HSPG2: variants seen among roughly 807,000 people sequenced by gnomAD.
HSPG2 encodes the protein basement membrane-specific heparan sulfate proteoglycan core protein.
A neutral mutation model predicts 526.6 loss-of-function variants in HSPG2; 278 were observed. That is an observed-to-expected ratio of 0.53 (90% CI 0.48 to 0.58). The LOEUF (loss-of-function observed/expected upper bound fraction) is 0.58, where lower values mean the gene tolerates loss of function less well. HSPG2 is among the 20% of genes least tolerant of loss of function. The pLI is 0.00. For missense variants in HSPG2, 5,354 were observed against 6,099.5 expected, an observed-to-expected ratio of 0.88 and a Z score of 4.07; for synonymous variants, 2,465 against 2,555.4, an observed-to-expected ratio of 0.96 and a Z score of 1.07.
chr1:21,924,603 G>A (rs1041963964), intron 1 of HSPG2, among the ~76,000 whole-genome samples: 5 of 152,088 alleles, frequency 3.3e-5, no homozygotes, highest in South Asian at 2.1e-4. Flanking sequence ...ACTGAGGCCC[G>A]GGGAGGAGAG....
intron 1 of HSPG2, among the ~76,000 whole-genome samples, chr1:21,927,271 G>C (rs968342460): frequency 1.2e-4 from 18 of 144,822 alleles, no homozygotes; most frequent in Non-Finnish European, 2.4e-4. Flanking sequence ...CTGATGGGGA[G>C]GGGGGACACA....
rs1639261304 is a variant in HSPG2 at position 21,855,449 on chromosome 1, GCAGA to G, written c.5855-7_5855-4del. 1 of 1,612,976 alleles carries G rather than the reference GCAGA, an allele frequency of 6.2e-7. No homozygotes were observed. Among genetic ancestry groups the G allele is most frequent in the Non-Finnish European group, 8.5e-7 (1 of 1,179,884 alleles). ...TTGGACTCTGGGCCCACCGCCCCCTGCAGACAGAGTCCTGTGAGAACACGCCCTG... is the reference window on the plus strand; with the variant it reads ...TTGGACTCTGGGCCCACCGCCCCCTGCAGAGTCCTGTGAGAACACGCCCTG... On this transcript the variant is annotated splice_polypyrimidine_tract_variant and splice_region_variant and intron_variant, in intron 46 of 96. Transcript: ENST00000374695.
chr1:21,835,591 C>T lies in HSPG2; in HGVS notation c.10402G>A (p.Ala3468Thr), dbSNP rs1013471019. ...TGGGCCTTCCCCCAAGGTCCATGGGCCTGGCATATATACGTCCCTTGGCAG... is the reference window on the plus strand; with the variant it reads ...TGGGCCTTCCCCCAAGGTCCATGGGTCTGGCATATATACGTCCCTTGGCAG... Reference protein sequence around the residue: ...QSCQGTYICQAHGPWGKAQAS... With the variant: ...QSCQGTYICQTHGPWGKAQAS... Residue 3468 changes from alanine (A) to threonine (T), a missense_variant, in exon 76 of 97, where the codon GCC (alanine) becomes ACC (threonine). By Grantham distance (58) the Ala-to-Thr change is moderately conservative. Coordinates refer to ENST00000374695, the MANE Select transcript of HSPG2 (RefSeq NM_005529.7). 3 of 1,614,052 alleles carry T rather than the reference C, an allele frequency of 1.9e-6. No individual in the cohort carries two copies. Among genetic ancestry groups the T allele is most frequent in the Non-Finnish European group, 2.5e-6 (3 of 1,180,008 alleles).
intron 37 of HSPG2, among the ~76,000 whole-genome samples, chr1:21,862,375 G>A (rs1425179479): frequency 2.6e-5 from 4 of 152,166 alleles, no homozygotes; most frequent in South Asian, 4.2e-4. Flanking sequence ...CCTGAGGTCA[G>A]GAGTTCAAGG....
Position 21,847,975 on chromosome 1 carries a change from C to G in HSPG2, c.7856G>C (p.Gly2619Ala). The change falls in exon 60 of 97, where the codon GGC (glycine) becomes GCC (alanine). Residue 2619 changes from glycine (G) to alanine (A), a missense_variant. Transcript: ENST00000374695. This position sits in a 1 kb window ranked among gnomAD's most constrained non-coding sequence, Gnocchi z 4.1. Reference protein sequence around the residue: ...RETSLIVTIQGSGSSHVPSVS... With the variant: ...RETSLIVTIQASGSSHVPSVS... ...GCTCTCACCGTGGGAGGAACCGCTG[C>G]CCTGGATGGTGACGATGAGCGAGGT... 6.2e-7 allele frequency: 1 copy of G among 1,613,812 alleles called. No homozygotes were observed.
intron 9 of HSPG2, among the ~76,000 whole-genome samples, chr1:21,886,139 T>C (rs1253575902): frequency 6.6e-6 from 1 of 152,204 alleles, no homozygotes; most frequent in Non-Finnish European, 1.5e-5. Flanking sequence ...GGCGCTTCTG[T>C]TCCCCACACT....
chr1:21,885,025 G>C lies in HSPG2; in HGVS notation c.1343C>G (p.Pro448Arg). The C allele has an allele frequency of 1.2e-6, 2 of 1,613,912 alleles. No homozygotes were observed. Among genetic ancestry groups the C allele is most frequent in the Non-Finnish European group, 1.7e-6 (2 of 1,180,004 alleles). Residue 448 changes from proline (P) to arginine (R), a missense_variant, in exon 11 of 97, where the codon CCC (proline) becomes CGC (arginine). Pro to Arg is a moderately radical substitution (Grantham distance 103, BLOSUM62 -2). Coordinates refer to ENST00000374695, the MANE Select transcript of HSPG2 (RefSeq NM_005529.7). ...CCCAGAGCCGCACCTGGGATGAGAG[G>C]GGATGTGGCCCCAGTTGAGCCTCCA... is the stretch of plus-strand genomic sequence containing the variant. ...INWRLNWGHI[P>R]SHPRVTVTSE... is the part of the protein sequence containing the mutation.
rs2098055246 is a variant in HSPG2 at position 21,842,919 on chromosome 1, G to A, written c.8761C>T (p.Pro2921Ser). ...ATGTAGATGGGCTGGGCCAGTCCTG[G>A]AGCTGTGGGCACAGGGGGTGGGTGA... ...EPSSPGPIPA[P>S]GLAQPIYIEA... The change falls in exon 67 of 97, where the codon CCA (proline) becomes TCA (serine). Residue 2921 changes from proline to serine, a missense_variant and splice_region_variant. Coordinates refer to ENST00000374695, the MANE Select transcript of HSPG2 (RefSeq NM_005529.7). The A allele has an allele frequency of 6.2e-7, 1 of 1,614,016 alleles. No individual in the cohort carries two copies. Among genetic ancestry groups the A allele is most frequent in the Non-Finnish European group, 8.5e-7 (1 of 1,180,040 alleles).
rs776428674 is a variant in HSPG2, at chr1:21,853,763, AAAT to A, written c.6439+427_6439+429del. 6.1e-3 allele frequency: 1,005 copies of A among 164,780 alleles called. 6 individuals carry two copies. The highest frequency in any genetic ancestry group is 0.015 in the Middle Eastern group (7 of 464). The allele number at this position is 164,780 out of a possible 1,614,324, so 10.2% of individuals were successfully genotyped here. On this transcript the variant is annotated intron_variant, in intron 50 of 96. Coordinates refer to ENST00000374695, the MANE Select transcript of HSPG2 (RefSeq NM_005529.7). ...GACTCTCTCTCAAAAAAATAAAATA[AAAT>A]AAAATAAAATAAAATAAAATAAAAT...
Position 21,850,493 on chromosome 1 carries a change from G to T in HSPG2, c.7164C>A (p.His2388Gln). Residue 2388 changes from histidine (H) to glutamine (Q), a missense_variant, in exon 56 of 97, where the codon CAC becomes CAA. Coordinates refer to ENST00000374695, the MANE Select transcript of HSPG2 (RefSeq NM_005529.7). The stretch of plus-strand genomic sequence containing the variant: ...CTTGGTAGAGTCTCAGCAGGGAGCC[G>T]TGGGTCTGGCCAGAATGGGGGTGAG... The part of the protein sequence containing the change: ...GGSLPVRHQT[H>Q]GSLLRLYQAS... The T allele has an allele frequency of 6.2e-7, 1 of 1,609,194 alleles. No individual in the cohort carries two copies. Among genetic ancestry groups the T allele is most frequent in the Non-Finnish European group, 8.5e-7 (1 of 1,177,660 alleles).
Position 21,887,759 on chromosome 1 carries a change from T to C in HSPG2, c.704-85A>G. ...TCCCCAACCCTCCCCAGGCCCACCC[T>C]GTACTCCCCAACACCACTCCCTGCC... On this transcript the variant is annotated intron_variant, in intron 7 of 96. Coordinates refer to ENST00000374695, the MANE Select transcript of HSPG2 (RefSeq NM_005529.7). This position sits in a 1 kb window ranked among gnomAD's most constrained non-coding sequence, Gnocchi z 5.0. 2.2e-6 allele frequency: 3 copies of C among 1,372,036 alleles called. No homozygotes were observed. The highest frequency in any genetic ancestry group is 3.0e-6 in the Non-Finnish European group (3 of 989,932). 85.0% of individuals were successfully genotyped at this position (1,372,036 alleles called of 1,614,324 possible).
Position 21,838,918 on chromosome 1 carries a change from C to G in HSPG2, c.10057G>C (p.Glu3353Gln), listed in dbSNP as rs2098037796. The change falls in exon 74 of 97, where the codon GAG (glutamate) becomes CAG (glutamine). Residue 3353 changes from glutamate (E) to glutamine (Q), a missense_variant. Physicochemically the swap from Glu to Gln is conservative, Grantham distance 29. Transcript: ENST00000374695. ...CCTGAGTCCTCAGGGGCTGCACGCT[C>G]AAAGTGCAGCAGCTCGTTCCTGGCG... Reference protein sequence around the residue: ...ATARNELLHFERAAPEDSGRY... With the variant: ...ATARNELLHFQRAAPEDSGRY... 2 of 1,612,086 alleles carry G rather than the reference C, an allele frequency of 1.2e-6. No homozygotes were observed. The highest frequency in any genetic ancestry group is 4.5e-5 in the East Asian group (2 of 44,830).
intron 86 of HSPG2, 128 bp downstream of exon 86, chr1:21,829,865 G>A: frequency 1.1e-6 from 1 of 881,678 alleles, no homozygotes; most frequent in South Asian, 1.4e-5. Flanking sequence ...GTGGCCAGGT[G>A]ACTTCGAGAT....
At chr1:21,936,357 C>T (rs1644488196) in intron 1 of HSPG2, among the ~76,000 whole-genome samples, 1 of 152,206 alleles carries the variant, frequency 6.6e-6, no homozygotes, top group Admixed American at 6.5e-5. Flanking sequence ...CAGGCCTCTC[C>T]CTGCCTCTTG....
Position 21,873,951 on chromosome 1 carries a change from T to C in HSPG2, c.3717A>G (p.Pro1239=). 1 of 1,603,342 alleles carries C rather than the reference T, an allele frequency of 6.2e-7. No homozygotes were observed. Among genetic ancestry groups the C allele is most frequent in the South Asian group, 1.1e-5 (1 of 88,770 alleles). ...TCTCACAGTGACGCCCACTGTGGCC[T>C]GGGGAGCACGCATCACAGGTGGGGT... ...DGHPTCDACS[P]GHSGRHCERC... is the part of the protein sequence containing the mutation. The change falls in exon 29 of 97, where the codon CCA becomes CCG. Residue 1239 remains proline, a synonymous_variant. Transcript: ENST00000374695.
At chr1:21,928,601 C>T (rs1339469566) in intron 1 of HSPG2, among the ~76,000 whole-genome samples, 2 of 151,840 alleles carry the variant, frequency 1.3e-5, no homozygotes, top group Admixed American at 6.6e-5. Context: ...CCACCACACC[C>T]GGCTAACTTT....
intron 13 of HSPG2, among the ~76,000 whole-genome samples, chr1:21,882,782 G>A (rs978040933): frequency 5.9e-5 from 9 of 152,106 alleles, no homozygotes; most frequent in South Asian, 2.1e-4. Flanking sequence ...CGTCCCTCCC[G>A]GCTCTGGACA....
chr1:21,921,384 C>G (rs1201708394), intron 1 of HSPG2, among the ~76,000 whole-genome samples: 1 of 152,150 alleles, frequency 6.6e-6, no homozygotes, highest in Non-Finnish European at 1.5e-5. Context: ...ACAGCTGCCA[C>G]CAAACCACAG....
Position 21,846,038 on chromosome 1 carries a change from A to G in HSPG2, c.8464+70T>C, listed in dbSNP as rs148183635. On this transcript the variant is annotated intron_variant, in intron 64 of 96. Transcript: ENST00000374695. ...GTGCCAGAAAGTGTTTCCTTCTGCC[A>G]GTTCTGCCCCCTGGTCTCTGTCCCT... The G allele has an allele frequency of 1.0e-3, 1,637 of 1,565,088 alleles. 11 individuals are homozygous for G. The African/African-American group carries it at 0.02, about 19-fold the overall frequency.
Sources: gnomAD v4.1 joint callset for allele counts (sites outside exome capture counted in the v4.1 genomes callset) on GRCh38, gnomAD v4.1.1 for gene constraint, Gnocchi (gnomAD v3.1) non-coding constraint, MANE v1.5 for transcripts, NCBI Gene and HGNC (gene_info 2026-07-23, HGNC 2026-07-21) for gene names.